The following TGFBRAP1 variants were observed in gnomAD, a reference collection of about 807,000 sequenced individuals.
The protein encoded by TGFBRAP1 is transforming growth factor beta receptor associated protein 1, also known as transforming growth factor-beta receptor-associated protein 1.
Under a neutral mutation model 83.2 loss-of-function variants are expected in TGFBRAP1, and 20 were observed. That is an observed-to-expected ratio of 0.24 (90% CI 0.17 to 0.35). The LOEUF (loss-of-function observed/expected upper bound fraction) is 0.35. Ranked by LOEUF, TGFBRAP1 falls within the 10% of genes least tolerant of loss-of-function variation. The pLI is 1.00. For missense variants in TGFBRAP1, 950 were observed against 1,099.4 expected, an observed-to-expected ratio of 0.86 and a Z score of 1.92; for synonymous variants, 415 against 459.8, an observed-to-expected ratio of 0.90 and a Z score of 1.25.
intron 1 of TGFBRAP1, among the ~76,000 whole-genome samples, chr2:105,323,772 T>C (rs1005096528): frequency 5.3e-5 from 8 of 152,196 alleles, no homozygotes; most frequent in Admixed American, 2.6e-4. Flanking sequence ...ATAGGCTCTC[T>C]GACAATCACT....
At chr2:105,282,817 T>C (rs11889453) in intron 5 of TGFBRAP1, among the ~76,000 whole-genome samples, 5,424 of 141,082 alleles carry the variant, frequency 0.038, 330 homozygotes, top group African/African-American at 0.13. Context: ...CAGAATGAGA[T>C]GCTGCTTCAA....
intron 1 of TGFBRAP1, among the ~76,000 whole-genome samples, chr2:105,314,639 C>G (rs1181806374): frequency 6.6e-6 from 1 of 151,900 alleles, no homozygotes; most frequent in African/African-American, 2.4e-5. Flanking sequence ...TACCATAAAA[C>G]AAGAATAGTG....
At chr2:105,282,531 T>C (rs1331025419) in intron 5 of TGFBRAP1, among the ~76,000 whole-genome samples, 1 of 152,192 alleles carries the variant, frequency 6.6e-6, no homozygotes, top group African/African-American at 2.4e-5. Context: ...CTTCTTCAAA[T>C]ATCAATTCTC....
the TGFBRAP1 span, among the ~76,000 whole-genome samples, chr2:105,254,322 A>G: frequency 0.43 from 65,894 of 151,912 alleles, 16,182 homozygotes; most frequent in Non-Finnish European, 0.57. Context: ...CCTGGCCCTC[A>G]CAGGCAGGCT....
chr2:105,275,569 T>C lies in TGFBRAP1; in HGVS notation c.1656A>G (p.Lys552=). 1.2e-6 allele frequency: 2 copies of C among 1,613,800 alleles called. No homozygotes were observed. The highest frequency in any genetic ancestry group is 1.7e-6 in the Non-Finnish European group (2 of 1,179,942). ...VWAYADWVLQ[K]SEEVGVQVFT... ...TTTACGAAGCACAAACCTCTTCACT[T>C]TTCTGCAGGACCCAATCAGCATAGG... Residue 552 remains lysine (K), a synonymous_variant, in exon 8 of 12, where the codon AAA becomes AAG. Coordinates refer to ENST00000393359, the MANE Select transcript of TGFBRAP1 (RefSeq NM_004257.6).
chr2:105,322,528 T>C lies in TGFBRAP1; in HGVS notation c.-18+7097A>G, dbSNP rs374268578. Among the ~76,000 whole-genome samples, 5 of 152,178 alleles carry C rather than the reference T, an allele frequency of 3.3e-5. No homozygotes were observed. The South Asian group carries it at 1.0e-3, about 32-fold the overall frequency. On this transcript the variant is annotated intron_variant, in intron 1 of 11. Coordinates refer to ENST00000393359, the MANE Select transcript of TGFBRAP1 (RefSeq NM_004257.6). ...GCCCCATACAGGTGGACCCTTTTTT[T>C]AGTATTTTATACAGTATTTCTACTA...
chr2:105,321,276 C>T (rs1679056299), intron 1 of TGFBRAP1, among the ~76,000 whole-genome samples: 1 of 152,038 alleles, frequency 6.6e-6, no homozygotes, highest in African/African-American at 2.4e-5. Context: ...AAGTGCTTCT[C>T]CTGTCTCAGC....
chr2:105,319,907 TATAC>T (rs888405512), intron 1 of TGFBRAP1, among the ~76,000 whole-genome samples: 5 of 151,228 alleles, frequency 3.3e-5, no homozygotes, highest in Non-Finnish European at 2.9e-5. Flanking sequence ...ATATTTGTTA[TATAC>T]ATACATACAT....
At chr2:105,276,399 A>G (rs2679835) in intron 7 of TGFBRAP1, among the ~76,000 whole-genome samples, 152,075 of 152,246 alleles carry the variant, frequency 1, 75,952 homozygotes, top group Middle Eastern at 1. Context: ...TCACCCACCC[A>G]TACACAGCAC....
chr2:105,282,678 G>T (rs1677580691), intron 5 of TGFBRAP1, among the ~76,000 whole-genome samples: 2 of 151,978 alleles, frequency 1.3e-5, no homozygotes, highest in South Asian at 2.1e-4. Flanking sequence ...TAAAAGATTA[G>T]CCAGGTCCCG....
chr2:105,316,484 C>T (rs767983954), intron 1 of TGFBRAP1, among the ~76,000 whole-genome samples: 4 of 86,170 alleles, frequency 4.6e-5, no homozygotes, highest in East Asian at 2.8e-4. Context: ...CGCGCGCACG[C>T]GCACATAACT....
At chr2:105,302,655 T>A (rs1678339518) in intron 2 of TGFBRAP1, among the ~76,000 whole-genome samples, 1 of 152,194 alleles carries the variant, frequency 6.6e-6, no homozygotes, top group Non-Finnish European at 1.5e-5. Context: ...AAATAAAGGT[T>A]ACCTATGGGA....
chr2:105,284,130 G>A (rs139725810), intron 5 of TGFBRAP1, among the ~76,000 whole-genome samples, 186 bp downstream of exon 5: 4 of 152,192 alleles, frequency 2.6e-5, no homozygotes, highest in East Asian at 1.9e-4. Flanking sequence ...TTAAGGCTCC[G>A]GGTGAGGGGT....
chr2:105,329,565 G>GC, intron 1 of TGFBRAP1, 60 bp downstream of exon 1: 2 of 136,236 alleles, frequency 1.5e-5, no homozygotes, highest in Middle Eastern at 7.6e-3. Context: ...CCGCCCTCCT[G>GC]CCCCACGCGC....
intron 6 of TGFBRAP1, 105 bp downstream of exon 6, chr2:105,280,276 TA>T: frequency 8.1e-7 from 1 of 1,241,264 alleles, no homozygotes; most frequent in African/African-American, 1.5e-5. Flanking sequence ...CTTGGGAACA[TA>T]AACATCACAC....
At chr2:105,321,935 T>G (rs1323634054) in intron 1 of TGFBRAP1, among the ~76,000 whole-genome samples, 3 of 152,222 alleles carry the variant, frequency 2.0e-5, no homozygotes, top group Non-Finnish European at 2.9e-5. Flanking sequence ...TTTATCATTA[T>G]TTTAGAGCGT....
the TGFBRAP1 span, among the ~76,000 whole-genome samples, chr2:105,256,652 G>A: frequency 3.3e-5 from 5 of 152,232 alleles, no homozygotes; most frequent in African/African-American, 1.2e-4. Context: ...CATATTACTG[G>A]TCTGGCTATA....
At chr2:105,256,582 T>C in the TGFBRAP1 span, among the ~76,000 whole-genome samples, 1 of 152,220 alleles carries the variant, frequency 6.6e-6, no homozygotes, top group Non-Finnish European at 1.5e-5. Flanking sequence ...GTATTCCCTT[T>C]ATATGAGTAC....
chr2:105,316,287 G>C lies in TGFBRAP1; in HGVS notation c.-17-7969C>G, dbSNP rs1281483907. ...GTGTATGGAATTATCAAAATTCATT[G>C]GCTTGTGCCTTTATGTTCTGTGTAT... On this transcript the variant is annotated intron_variant, in intron 1 of 11. Transcript: ENST00000393359. Among the ~76,000 whole-genome samples, 5 of 151,732 alleles carry C rather than the reference G, an allele frequency of 3.3e-5. No individual in the cohort carries two copies. In the East Asian group the frequency reaches 9.7e-4, roughly 29 times the overall value.
Sources: allele counts gnomAD v4.1 joint callset (sites outside exome capture counted in the v4.1 genomes callset), GRCh38; gene constraint gnomAD v4.1.1; transcripts MANE v1.5; gene names NCBI Gene and HGNC (gene_info 2026-07-23, HGNC 2026-07-21).